STOX1: variants seen among roughly 807,000 people sequenced by gnomAD.
STOX1 encodes storkhead-box protein 1.
Under a neutral mutation model 74.8 loss-of-function variants are expected in STOX1, and 57 were observed. The ratio of observed to expected loss-of-function variants is 0.76; its 90% CI spans 0.62 to 0.95. The LOEUF is 0.95. Among genes scored for constraint, STOX1 ranks in the 40% least tolerant of loss-of-function variants. The probability of loss-of-function intolerance (pLI) is 0.00; values close to 1 mark genes in which losing one functional copy is unlikely to be tolerated. For synonymous variants in STOX1, 375 were observed against 401.3 expected, an observed-to-expected ratio of 0.93 and a Z score of 0.78; for missense variants, 1,010 against 1,117.0, an observed-to-expected ratio of 0.90 and a Z score of 1.37.
At chr10:68,860,951 G>A (rs1840253319) in intron 1 of STOX1, among the ~76,000 whole-genome samples, 1 of 152,098 alleles carries the variant, frequency 6.6e-6, no homozygotes, top group Non-Finnish European at 1.5e-5. Flanking sequence ...GCTCACACCT[G>A]TAATCCCAGC....
intron 1 of STOX1, among the ~76,000 whole-genome samples, chr10:68,840,910 T>G (rs1839676617): frequency 6.6e-6 from 1 of 151,580 alleles, no homozygotes; most frequent in South Asian, 2.1e-4. Flanking sequence ...GGGGTGTGTG[T>G]GTACGTGCAC....
chr10:68,884,933 C>A lies in STOX1; in HGVS notation c.1137C>A (p.Val379=). The stretch of plus-strand genomic sequence containing the variant: ...TTGACAATTTAATCAAACACACTGT[C>A]CTAATGCAAAAATACGAAGAACAGA... ...LTVDNLIKHT[V]LMQKYEEQKK... The change falls in exon 3 of 4, where the codon GTC becomes GTA. Residue 379 remains valine (V), a synonymous_variant. Transcript: ENST00000298596. 1.2e-6 allele frequency: 2 copies of A among 1,614,082 alleles called. No individual in the cohort carries two copies. Among genetic ancestry groups the A allele is most frequent in the Non-Finnish European group, 1.7e-6 (2 of 1,180,032 alleles).
rs1292385143 is a variant in STOX1, at chr10:68,886,315, T to C, written c.2519T>C (p.Val840Ala). ...TTTAACTACGAAGAAGAACCCAGTGTTGCTAAATGTGTACAGGCCTCAGCA... is the reference window on the plus strand; with the variant it reads ...TTTAACTACGAAGAAGAACCCAGTGCTGCTAAATGTGTACAGGCCTCAGCA... ...FGFNYEEEPS[V>A]AKCVQASAPA... The change falls in exon 3 of 4, where the codon GTT becomes GCT. Residue 840 changes from valine (V) to alanine (A), a missense_variant. By Grantham distance (64) the Val-to-Ala change is moderately conservative (BLOSUM62 0). Transcript: ENST00000298596. 6.2e-7 allele frequency: 1 copy of C among 1,614,172 alleles called. No homozygotes were observed. The highest frequency in any genetic ancestry group is 1.3e-5 in the African/African-American group (1 of 75,048).
intron 1 of STOX1, among the ~76,000 whole-genome samples, chr10:68,881,656 T>C (rs563769755): frequency 6.6e-6 from 1 of 152,352 alleles, no homozygotes; most frequent in African/African-American, 2.4e-5. Flanking sequence ...ATTTAGTATT[T>C]AAGTATTGCA....
chr10:68,873,253 G>C (rs1840578941), intron 1 of STOX1, among the ~76,000 whole-genome samples: 1 of 128,504 alleles, frequency 7.8e-6, no homozygotes, highest in Non-Finnish European at 1.6e-5. Context: ...GCCCAAACAA[G>C]AGCATTTTTT....
chr10:68,881,852 G>C (rs895261700), intron 1 of STOX1, 106 bp from the exon 2 acceptor site: 2 of 1,273,824 alleles, frequency 1.6e-6, no homozygotes, highest in Admixed American at 1.7e-5. Flanking sequence ...TGAAAGAATT[G>C]CAATTCTACC....
intron 1 of STOX1, chr10:68,828,332 T>C: frequency 9.2e-7 from 1 of 1,084,230 alleles, no homozygotes; most frequent in Non-Finnish European, 1.1e-6. Context: ...AGCTCCGCGC[T>C]GCAGGGGCGA....
At position 68,892,702 on chromosome 10, in the gene STOX1, C is replaced by T. The variant is rs950149536; in HGVS notation, c.2936C>T (p.Ser979Phe). ...TKSSQPLTSNSLLPLTPVINV is the reference protein window; with the variant it reads ...TKSSQPLTSNFLLPLTPVINV Reference sequence around the variant, plus strand: ...AGCAGTCAACCACTCACATCTAATTCCTTACTACCGCTAACTCCAGTCATA... The same window carrying T: ...AGCAGTCAACCACTCACATCTAATTTCTTACTACCGCTAACTCCAGTCATA... Residue 979 changes from serine to phenylalanine, a missense_variant, in exon 4 of 4, where the codon TCC (serine) becomes TTC (phenylalanine). Physicochemically the swap from Ser to Phe is radical, Grantham distance 155 (BLOSUM62 -2). Coordinates refer to ENST00000298596, the MANE Select transcript of STOX1 (RefSeq NM_152709.5). 6.2e-7 allele frequency: 1 copy of T among 1,613,942 alleles called. No homozygotes were observed. The highest frequency in any genetic ancestry group is 8.5e-7 in the Non-Finnish European group (1 of 1,179,938).
rs563422271 is a variant in STOX1, at chr10:68,843,227, T to C, written c.310+15294T>C. On this transcript the variant is annotated intron_variant, in intron 1 of 3. Coordinates refer to ENST00000298596, the MANE Select transcript of STOX1 (RefSeq NM_152709.5). Reference sequence around the variant, plus strand: ...TACTTTTTTTTGTAGTGATGGGGTCTCACTCTGTTCCCCAGACTGGTCCCG... The same window carrying C: ...TACTTTTTTTTGTAGTGATGGGGTCCCACTCTGTTCCCCAGACTGGTCCCG... 7.2e-5 allele frequency among the ~76,000 whole-genome samples: 11 copies of C among 152,104 alleles called. No homozygotes were observed. The South Asian group carries it at 1.7e-3, about 23-fold the overall frequency.
chr10:68,841,319 C>T (rs553456612), intron 1 of STOX1, among the ~76,000 whole-genome samples: 1 of 152,068 alleles, frequency 6.6e-6, no homozygotes, highest in Non-Finnish European at 1.5e-5. Context: ...TGGGTTGCTC[C>T]TGTAACACAT....
intron 1 of STOX1, among the ~76,000 whole-genome samples, chr10:68,838,912 A>AC (rs994607838): frequency 2.7e-5 from 4 of 150,246 alleles, no homozygotes; most frequent in South Asian, 2.1e-4. Flanking sequence ...TCTGTCTCAA[A>AC]AAAAAAAAAA....
At chr10:68,877,288 G>A (rs1475123227) in intron 1 of STOX1, among the ~76,000 whole-genome samples, 1 of 152,142 alleles carries the variant, frequency 6.6e-6, no homozygotes, top group Non-Finnish European at 1.5e-5. Flanking sequence ...GTCATAGTAG[G>A]AATTATGAAT....
At chr10:68,859,240 C>A (rs1840202010) in intron 1 of STOX1, among the ~76,000 whole-genome samples, 1 of 152,110 alleles carries the variant, frequency 6.6e-6, no homozygotes, top group African/African-American at 2.4e-5. Flanking sequence ...GAAAGGCATC[C>A]CATTCTCAGG....
rs559579667 is a variant in STOX1, at chr10:68,889,980, G to A, written c.2823-2609G>A. On this transcript the variant is annotated intron_variant, in intron 3 of 3. Coordinates refer to ENST00000298596, the MANE Select transcript of STOX1 (RefSeq NM_152709.5). ...TATTTTTTTTTTTTAACAGAGATGA[G>A]GTTTCACCATGTTGGCCAGGCTGGT... Among the ~76,000 whole-genome samples, 10 of 151,102 alleles carry A rather than the reference G, an allele frequency of 6.6e-5. No homozygotes were observed. The East Asian group carries it at 1.4e-3, about 21-fold the overall frequency.
chr10:68,834,512 C>T lies in STOX1; in HGVS notation c.310+6579C>T, dbSNP rs527463900. Among the ~76,000 whole-genome samples, 173 of 152,260 alleles carry T rather than the reference C, an allele frequency of 1.1e-3. 1 individual carries two copies. Among genetic ancestry groups the T allele is most frequent in the African/African-American group, 4.0e-3 (166 of 41,548 alleles). The stretch of plus-strand genomic sequence containing the variant: ...GACAGTAGGACATCTTACAGCACTT[C>T]GTAGCTAATGGAATTTTGTAGGTGA... On this transcript the variant is annotated intron_variant, in intron 1 of 3. Transcript: ENST00000298596.
chr10:68,847,077 A>C (rs947468918), intron 1 of STOX1, among the ~76,000 whole-genome samples: 2 of 152,156 alleles, frequency 1.3e-5, no homozygotes, highest in African/African-American at 2.4e-5. Flanking sequence ...TGAGTCTTTG[A>C]ACACCTTCTG....
At chr10:68,867,635 C>T (rs1840442539) in intron 1 of STOX1, among the ~76,000 whole-genome samples, 1 of 152,206 alleles carries the variant, frequency 6.6e-6, no homozygotes, top group South Asian at 2.1e-4. Context: ...CAGATCTGTT[C>T]TTTTATCTCT....
At chr10:68,861,108 G>A (rs1840256229) in intron 1 of STOX1, among the ~76,000 whole-genome samples, 1 of 152,062 alleles carries the variant, frequency 6.6e-6, no homozygotes, top group Admixed American at 6.5e-5. Flanking sequence ...GACCAGCTCA[G>A]TCATGGAGAC....
chr10:68,872,281 A>G (rs534535303), intron 1 of STOX1, among the ~76,000 whole-genome samples: 1 of 152,262 alleles, frequency 6.6e-6, no homozygotes, highest in East Asian at 1.9e-4. Context: ...ATAGTAGAGA[A>G]AAACTCGTGT....
Sources: gnomAD v4.1 joint callset for allele counts (sites outside exome capture counted in the v4.1 genomes callset) on GRCh38, gnomAD v4.1.1 for gene constraint, MANE v1.5 for transcripts, NCBI Gene and HGNC (gene_info 2026-07-23, HGNC 2026-07-21) for gene names.